Variants in DPY19L2 observed in about 807,000 individuals in gnomAD.
DPY19L2 encodes the protein probable C-mannosyltransferase DPY19L2.
Under a neutral mutation model 97.9 loss-of-function variants are expected in DPY19L2, and 34 were observed. That is an observed-to-expected ratio of 0.35 (90% confidence interval 0.26 to 0.46). The LOEUF (loss-of-function observed/expected upper bound fraction) is 0.46, where lower values mean the gene tolerates loss of function less well. DPY19L2 is among the 20% of genes least tolerant of loss of function. DPY19L2 has a pLI of 1.00. For synonymous variants in DPY19L2, 230 were observed against 307.9 expected, an observed-to-expected ratio of 0.75 and a Z score of 2.65; for missense variants, 623 against 911.4, an observed-to-expected ratio of 0.68 and a Z score of 4.07.
At position 63,558,943 on chromosome 12, in the gene DPY19L2, A is replaced by T. The variant is rs926313514; in HGVS notation, c.*1569T>A. On this transcript the variant is annotated 3_prime_UTR_variant, in exon 22 of 22. Transcript: ENST00000324472. ...TGGAAATAATTTTATTAGTTTTTTA[A>T]TGCATAAATCCAAACATATATTTGT... is the stretch of plus-strand genomic sequence containing the variant. The T allele has an allele frequency of 2.0e-5, 3 of 152,184 alleles. No individual in the cohort carries two copies. Among genetic ancestry groups the T allele is most frequent in the Non-Finnish European group, 2.9e-5 (2 of 68,024 alleles). 9.4% of individuals were successfully genotyped at this position (152,184 alleles called of 1,614,324 possible).
intron 6 of DPY19L2, among the ~76,000 whole-genome samples, chr12:63,629,583 C>T (rs796944303): frequency 6.6e-6 from 1 of 152,124 alleles, no homozygotes; most frequent in Admixed American, 6.5e-5. Context: ...ACCAAGTCTA[C>T]GTCTGATTGG....
intron 6 of DPY19L2, among the ~76,000 whole-genome samples, chr12:63,633,932 A>T (rs1351024072): frequency 1.3e-5 from 2 of 152,152 alleles, no homozygotes; most frequent in Non-Finnish European, 2.9e-5. Flanking sequence ...ATGAAGCTGG[A>T]AACCATCATT....
intron 13 of DPY19L2, 67 bp downstream of exon 13, chr12:63,600,239 G>A: frequency 7.6e-7 from 1 of 1,313,128 alleles, no homozygotes; most frequent in Non-Finnish European, 1.1e-6. Flanking sequence ...AAGAATAGAT[G>A]GTTTCAAAGT....
chr12:63,567,340 A>G (rs1877933356), intron 21 of DPY19L2, among the ~76,000 whole-genome samples: 1 of 151,594 alleles, frequency 6.6e-6, no homozygotes, highest in Non-Finnish European at 1.5e-5. Flanking sequence ...TTTTTTCCCC[A>G]CTGTTTTATT....
intron 10 of DPY19L2, among the ~76,000 whole-genome samples, chr12:63,617,901 G>C (rs1888099196): frequency 6.6e-6 from 1 of 151,972 alleles, no homozygotes; most frequent in Non-Finnish European, 1.5e-5. Context: ...TTTAAAAGTA[G>C]TAATAATAAT....
chr12:63,660,564 G>A (rs1481927014), intron 4 of DPY19L2, among the ~76,000 whole-genome samples: 1 of 151,906 alleles, frequency 6.6e-6, no homozygotes, highest in Non-Finnish European at 1.5e-5. Context: ...TAAAATAGCT[G>A]ATGCAAAAAT....
chr12:63,565,520 A>G (rs571678654), intron 21 of DPY19L2, among the ~76,000 whole-genome samples: 1 of 152,262 alleles, frequency 6.6e-6, no homozygotes, highest in South Asian at 2.1e-4. Context: ...CTACCTGGAT[A>G]ATAAGGATAA....
At chr12:63,625,316 G>A (rs796615649) in intron 7 of DPY19L2, among the ~76,000 whole-genome samples, 3 of 151,736 alleles carry the variant, frequency 2.0e-5, no homozygotes, top group African/African-American at 7.3e-5. Flanking sequence ...AGAATTGCTT[G>A]AACCTGGGAG....
intron 21 of DPY19L2, among the ~76,000 whole-genome samples, chr12:63,566,671 T>C (rs1358741734): frequency 6.6e-6 from 1 of 152,018 alleles, no homozygotes; most frequent in African/African-American, 2.4e-5. Flanking sequence ...AATAGATCAC[T>C]ATTATTTAAT....
At chr12:63,644,573 T>C in intron 5 of DPY19L2, 77 bp from the exon 6 acceptor site, 2 of 1,549,060 alleles carry the variant, frequency 1.3e-6, no homozygotes, top group Non-Finnish European at 8.7e-7. Flanking sequence ...TCTCAGTGCT[T>C]TGCAATCAAG....
At chr12:63,627,743 C>T (rs1321196385) in intron 6 of DPY19L2, among the ~76,000 whole-genome samples, 6 of 152,174 alleles carry the variant, frequency 3.9e-5, no homozygotes, top group African/African-American at 1.4e-4. Context: ...TCTATGCTTC[C>T]ATTTATCTTC....
At chr12:63,571,282 C>A (rs781528943) in intron 19 of DPY19L2, among the ~76,000 whole-genome samples, 1 of 152,064 alleles carries the variant, frequency 6.6e-6, no homozygotes, top group East Asian at 1.9e-4. Flanking sequence ...CGAAACTAGT[C>A]CCTGGTGCCA....
At chr12:63,639,864 G>A (rs1216807863) in intron 6 of DPY19L2, among the ~76,000 whole-genome samples, 16 of 152,106 alleles carry the variant, frequency 1.1e-4, no homozygotes, top group African/African-American at 3.6e-4. Flanking sequence ...TATACCCAAA[G>A]GATTATAAAT....
intron 16 of DPY19L2, among the ~76,000 whole-genome samples, chr12:63,586,481 G>C (rs969960604): frequency 3.9e-5 from 6 of 152,098 alleles, no homozygotes; most frequent in Non-Finnish European, 5.9e-5. Flanking sequence ...GTCTAGGCAG[G>C]GGCAAGTAGA....
intron 19 of DPY19L2, among the ~76,000 whole-genome samples, chr12:63,579,871 G>T (rs1880558168): frequency 1.3e-5 from 2 of 151,820 alleles, no homozygotes; most frequent in Non-Finnish European, 2.9e-5. Context: ...TATCAAATAA[G>T]AAATAAAAGG....
rs1468636277 is a variant in DPY19L2 at position 63,644,280 on chromosome 12, T to C, written c.803+123A>G. 73 of 1,332,120 alleles carry C rather than the reference T, an allele frequency of 5.5e-5. No individual in the cohort carries two copies. The East Asian group carries it at 1.8e-3, about 33-fold the overall frequency. 82.5% of individuals were successfully genotyped at this position (1,332,120 alleles called of 1,614,324 possible). A position where few individuals can be genotyped will look rare whatever the true frequency, so the allele number is the denominator to read the frequency against. ...TTGGTTAAGCTTCTGAAAAATCAAG[T>C]AAATCCACAAACTTTCCTGATATGA... is the stretch of plus-strand genomic sequence containing the variant. On this transcript the variant is annotated intron_variant, in intron 6 of 21. Transcript: ENST00000324472.
At chr12:63,656,909 T>A (rs1294728478) in intron 4 of DPY19L2, among the ~76,000 whole-genome samples, 3 of 150,834 alleles carry the variant, frequency 2.0e-5, no homozygotes, top group Non-Finnish European at 4.4e-5. Flanking sequence ...AAATTATCTA[T>A]CTGATCTTGC....
At chr12:63,603,105 C>T (rs936132053) in intron 12 of DPY19L2, among the ~76,000 whole-genome samples, 4 of 152,080 alleles carry the variant, frequency 2.6e-5, no homozygotes, top group Non-Finnish European at 4.4e-5. Context: ...CTAAGGAAGA[C>T]ATTTAAAGCA....
intron 6 of DPY19L2, among the ~76,000 whole-genome samples, chr12:63,630,980 C>T (rs879712202): frequency 2.0e-5 from 3 of 151,916 alleles, no homozygotes; most frequent in Non-Finnish European, 4.4e-5. Flanking sequence ...GGGTACATAA[C>T]AAAATGAAGG....
Sources: allele counts gnomAD v4.1 joint callset (sites outside exome capture counted in the v4.1 genomes callset), GRCh38; gene constraint gnomAD v4.1.1; transcripts MANE v1.5; gene names NCBI Gene and HGNC (gene_info 2026-07-23, HGNC 2026-07-21).